Variants in LRP1B observed in about 807,000 individuals in gnomAD.
The protein encoded by LRP1B is LDL receptor related protein 1B.
LRP1B carries 217 observed loss-of-function variants against 556.6 expected under a neutral mutation model. That is an observed-to-expected ratio of 0.39 (90% confidence interval 0.35 to 0.44). The LOEUF is 0.44. LRP1B is among the 20% of genes least tolerant of loss of function. The probability of loss-of-function intolerance (pLI) is 1.00; values close to 1 mark genes in which losing one functional copy is unlikely to be tolerated. For synonymous variants in LRP1B, 2,047 were observed against 1,865.8 expected, an observed-to-expected ratio of 1.10 and a Z score of -2.50; for missense variants, 5,053 against 5,620.8, an observed-to-expected ratio of 0.90 and a Z score of 3.23.
intron 1 of LRP1B, among the ~76,000 whole-genome samples, chr2:141,830,673 T>A (rs559689926): frequency 1.3e-5 from 2 of 151,954 alleles, no homozygotes; most frequent in South Asian, 4.1e-4. Context: ...TAGTGATTCA[T>A]TAGTTTAAAT....
At chr2:140,242,593 T>G (rs910854820) in intron 87 of LRP1B, among the ~76,000 whole-genome samples, 1 of 151,132 alleles carries the variant, frequency 6.6e-6, no homozygotes, top group African/African-American at 2.4e-5. Context: ...TCATTCACTA[T>G]AGTAGCATGA....
chr2:140,282,393 C>A (rs1469089382), intron 84 of LRP1B, among the ~76,000 whole-genome samples: 2 of 151,754 alleles, frequency 1.3e-5, no homozygotes, highest in Non-Finnish European at 2.9e-5. Context: ...ATTGCCAAGG[C>A]TTGCACACAA....
In LRP1B at chr2:140,787,984, T is replaced by C. The variant is rs182091032; in HGVS notation, c.5360-11746A>G. 1.4e-3 allele frequency among the ~76,000 whole-genome samples: 208 copies of C among 152,272 alleles called. 5 individuals carry two copies. Among genetic ancestry groups the C allele is most frequent in the Middle Eastern group, 0.01 (3 of 294 alleles). Reference sequence around the variant, plus strand: ...GGTGATTTTCAAGGTTGGTTGAAAGTTACATTAGGTAAGGTAATGCAGTTT... The same window carrying C: ...GGTGATTTTCAAGGTTGGTTGAAAGCTACATTAGGTAAGGTAATGCAGTTT... On this transcript the variant is annotated intron_variant, in intron 32 of 90. Transcript: ENST00000389484.
At chr2:142,065,151 T>C (rs1039277902) in intron 1 of LRP1B, among the ~76,000 whole-genome samples, 4 of 151,550 alleles carry the variant, frequency 2.6e-5, no homozygotes, top group African/African-American at 9.7e-5. Context: ...GGTCATTGTA[T>C]AATGGTATCG....
rs1472537521 is a variant in LRP1B, at chr2:140,660,218, C to A, written c.6799+40032G>T. 3.3e-5 allele frequency among the ~76,000 whole-genome samples: 5 copies of A among 151,816 alleles called. 1 individual carries two copies. The highest frequency in any genetic ancestry group is 1.5e-5 in the Non-Finnish European group (1 of 67,900). On this transcript the variant is annotated intron_variant, in intron 41 of 90. Transcript: ENST00000389484. ...CTTTTTCTGGGTTCGTCTTCATATT[C>A]ATAAATAATGTGCCCATACCTCACT...
intron 6 of LRP1B, 137 bp from the exon 7 acceptor site, chr2:141,188,720 G>C (rs1681370341): frequency 4.4e-6 from 3 of 674,804 alleles, no homozygotes; most frequent in Non-Finnish European, 7.3e-6. Flanking sequence ...AAACTGCAAA[G>C]TCTCTTGCTA....
intron 82 of LRP1B, among the ~76,000 whole-genome samples, chr2:140,318,386 G>C (rs544722185): frequency 1.3e-5 from 2 of 152,130 alleles, no homozygotes; most frequent in Non-Finnish European, 2.9e-5. Context: ...TTTTAAGCAG[G>C]GTTGAAAGAG....
chr2:140,964,601 A>G (rs1218023379), intron 18 of LRP1B, among the ~76,000 whole-genome samples: 2 of 111,810 alleles, frequency 1.8e-5, no homozygotes, highest in Non-Finnish European at 3.9e-5. Flanking sequence ...GGTCACTTCT[A>G]TGTCCCCTCA....
At chr2:140,547,828 A>T (rs758442610) in intron 43 of LRP1B, among the ~76,000 whole-genome samples, 1 of 151,966 alleles carries the variant, frequency 6.6e-6, no homozygotes, top group African/African-American at 2.4e-5. Context: ...AGTTGTTCTA[A>T]TTTTTTGTAT....
At chr2:141,911,606 A>ATT (rs1699909339) in intron 1 of LRP1B, among the ~76,000 whole-genome samples, 1 of 152,198 alleles carries the variant, frequency 6.6e-6, no homozygotes, top group Non-Finnish European at 1.5e-5. Flanking sequence ...ACCATAGATA[A>ATT]TAAGTCCAGG....
intron 1 of LRP1B, among the ~76,000 whole-genome samples, chr2:141,841,024 A>C (rs17816590): frequency 0.16 from 23,831 of 152,020 alleles, 1,956 homozygotes; most frequent in Non-Finnish European, 0.18. Flanking sequence ...TATGAGGTAT[A>C]TGGCCTCAGA....
intron 86 of LRP1B, among the ~76,000 whole-genome samples, chr2:140,249,501 C>A (rs1681310962): frequency 6.6e-6 from 1 of 151,624 alleles, no homozygotes; most frequent in African/African-American, 2.4e-5. Flanking sequence ...CATTTAAATT[C>A]ATAATCTTTA....
chr2:141,323,876 C>A (rs1229393905), intron 3 of LRP1B, among the ~76,000 whole-genome samples: 3 of 150,052 alleles, frequency 2.0e-5, no homozygotes, highest in East Asian at 1.9e-4. Context: ...TACACACATA[C>A]CTGAACAAGG....
chr2:141,498,967 G>T (rs759229753), intron 2 of LRP1B, among the ~76,000 whole-genome samples: 1 of 152,038 alleles, frequency 6.6e-6, no homozygotes, highest in Non-Finnish European at 1.5e-5. Flanking sequence ...GAATAAGGTG[G>T]TCAGTACATA....
At chr2:141,311,252 T>G (rs1037160630) in intron 3 of LRP1B, among the ~76,000 whole-genome samples, 2 of 152,128 alleles carry the variant, frequency 1.3e-5, no homozygotes, top group African/African-American at 2.4e-5. Context: ...ACATTTTGCT[T>G]TTCTTTGTTG....
At chr2:141,578,004 A>C (rs1357438624) in intron 2 of LRP1B, among the ~76,000 whole-genome samples, 2 of 152,208 alleles carry the variant, frequency 1.3e-5, no homozygotes, top group African/African-American at 4.8e-5. Flanking sequence ...CCAATTGTAA[A>C]GCCCATATTA....
intron 1 of LRP1B, among the ~76,000 whole-genome samples, chr2:141,822,178 T>C (rs565395856): frequency 1.9e-4 from 27 of 140,424 alleles, no homozygotes; most frequent in Non-Finnish European, 3.2e-4. Context: ...AACCCTGTCT[T>C]TTATTTAGCA....
intron 77 of LRP1B, among the ~76,000 whole-genome samples, chr2:140,346,929 C>G (rs967663567): frequency 1.3e-5 from 2 of 151,814 alleles, no homozygotes; most frequent in African/African-American, 4.8e-5. Flanking sequence ...ATTCTATTTA[C>G]AAAAATGAGA....
intron 3 of LRP1B, among the ~76,000 whole-genome samples, chr2:141,472,809 T>C (rs1174966740): frequency 6.6e-6 from 1 of 150,600 alleles, no homozygotes; most frequent in Non-Finnish European, 1.5e-5. Context: ...GTTTACACCA[T>C]TTGTAAAAAT....
Sources: gnomAD v4.1 joint callset for allele counts (sites outside exome capture counted in the v4.1 genomes callset) on GRCh38, gnomAD v4.1.1 for gene constraint, MANE v1.5 for transcripts, NCBI Gene and HGNC (gene_info 2026-07-23, HGNC 2026-07-21) for gene names.